Variants in IL1RAPL1 observed in about 807,000 individuals in gnomAD.
IL1RAPL1 encodes interleukin-1 receptor accessory protein-like 1.
A neutral mutation model predicts 48.4 loss-of-function variants in IL1RAPL1; 3 were observed. That is an observed-to-expected ratio of 0.06 (90% CI 0.03 to 0.16). The LOEUF is 0.16. Among genes scored for constraint, IL1RAPL1 ranks in the 10% least tolerant of loss-of-function variants. IL1RAPL1 has a pLI of 1.00. For synonymous variants in IL1RAPL1, 185 were observed against 187.7 expected, an observed-to-expected ratio of 0.99 and a Z score of 0.12; for missense variants, 349 against 530.6, an observed-to-expected ratio of 0.66 and a Z score of 3.36.
chrX:29,002,972 TACTG>T (rs776368155), intron 2 of IL1RAPL1, among the ~76,000 whole-genome samples: 3 of 110,012 alleles, frequency 2.7e-5, no homozygotes, highest in Non-Finnish European at 3.8e-5. Context: ...TTAATTGGAA[TACTG>T]ACTGAGTGCA....
At chrX:29,155,462 G>A (rs1328093321) in intron 2 of IL1RAPL1, among the ~76,000 whole-genome samples, 2 of 111,925 alleles carry the variant, frequency 1.8e-5, no homozygotes, top group Non-Finnish European at 3.8e-5. Context: ...TCTAGGACTG[G>A]CTAAAAGCCC....
At chrX:28,719,001 A>G (rs1340078891) in intron 1 of IL1RAPL1, among the ~76,000 whole-genome samples, 3 of 111,546 alleles carry the variant, frequency 2.7e-5, no homozygotes, top group Non-Finnish European at 5.7e-5. Flanking sequence ...AAATAGTCAT[A>G]TGTGTTTCAT....
chrX:29,548,496 A>G (rs1602290803), intron 5 of IL1RAPL1, among the ~76,000 whole-genome samples: 2 of 112,456 alleles, frequency 1.8e-5, no homozygotes, highest in African/African-American at 6.4e-5. Context: ...TTTTCGGTTT[A>G]TGCATTATGA....
At chrX:29,096,048 A>G (rs769957313) in intron 2 of IL1RAPL1, among the ~76,000 whole-genome samples, 1 of 111,675 alleles carries the variant, frequency 9.0e-6, no homozygotes, top group Non-Finnish European at 1.9e-5. Context: ...AACACTCTGA[A>G]TTTTTAATTA....
intron 2 of IL1RAPL1, among the ~76,000 whole-genome samples, chrX:29,074,051 A>C (rs899012649): frequency 8.9e-6 from 1 of 111,845 alleles, no homozygotes; most frequent in Non-Finnish European, 1.9e-5. Flanking sequence ...GGGGCAATTT[A>C]TTGATTACTA....
chrX:29,468,838 A>G (rs1460493461), intron 5 of IL1RAPL1, among the ~76,000 whole-genome samples: 1 of 111,754 alleles, frequency 8.9e-6, no homozygotes, highest in Non-Finnish European at 1.9e-5. Flanking sequence ...TCCCAATGAG[A>G]ACTGCTCAGT....
At chrX:29,920,790 G>C (rs1932839129) in intron 8 of IL1RAPL1, among the ~76,000 whole-genome samples, 1 of 54,500 alleles carries the variant, frequency 1.8e-5, no homozygotes, top group Admixed American at 3.1e-4. Context: ...GTGAGACCCT[G>C]TCTCAAAAAA....
chrX:29,731,000 A>C (rs1443271891), intron 6 of IL1RAPL1, among the ~76,000 whole-genome samples: 1 of 112,280 alleles, frequency 8.9e-6, no homozygotes, highest in Admixed American at 9.5e-5. Flanking sequence ...TGTGATTTAT[A>C]CTTATGTCAC....
At chrX:29,803,840 T>A (rs1483303979) in intron 6 of IL1RAPL1, among the ~76,000 whole-genome samples, 1 of 110,212 alleles carries the variant, frequency 9.1e-6, no homozygotes. Flanking sequence ...TTACTTTAAA[T>A]GTCAGGGTCT....
intron 1 of IL1RAPL1, among the ~76,000 whole-genome samples, chrX:28,728,202 A>G (rs1022545172): frequency 2.7e-5 from 3 of 112,191 alleles, no homozygotes; most frequent in African/African-American, 9.7e-5. Context: ...TTATTGTTGA[A>G]TACTATACTA....
chrX:28,987,329 A>G (rs771566363), intron 2 of IL1RAPL1, among the ~76,000 whole-genome samples: 1 of 112,330 alleles, frequency 8.9e-6, no homozygotes, highest in Non-Finnish European at 1.9e-5. Flanking sequence ...ATTTTGGCAC[A>G]TTTCTGCTGA....
intron 2 of IL1RAPL1, among the ~76,000 whole-genome samples, chrX:29,104,794 A>G (rs184237444): frequency 8.1e-5 from 9 of 111,438 alleles, no homozygotes; most frequent in Admixed American, 6.7e-4. Context: ...ATCTAAAGGC[A>G]GGCATATGAG....
chrX:29,211,932 A>G (rs1930776418), intron 2 of IL1RAPL1, among the ~76,000 whole-genome samples: 1 of 110,583 alleles, frequency 9.0e-6, no homozygotes, highest in South Asian at 3.9e-4. Flanking sequence ...AGTCTCAGAA[A>G]ATCACCTTAT....
chrX:29,568,024 G>A (rs1922463899), intron 5 of IL1RAPL1, among the ~76,000 whole-genome samples: 1 of 109,529 alleles, frequency 9.1e-6, no homozygotes, highest in Admixed American at 9.7e-5. Context: ...ATTACTAAAG[G>A]AAATATATTA....
chrX:29,324,429 A>C (rs1932830472), intron 3 of IL1RAPL1, among the ~76,000 whole-genome samples: 1 of 111,380 alleles, frequency 9.0e-6, no homozygotes, highest in Admixed American at 9.6e-5. Flanking sequence ...ATGATCTAAT[A>C]CTAATAGACT....
intron 2 of IL1RAPL1, among the ~76,000 whole-genome samples, chrX:29,155,093 C>T (rs1051492038): frequency 9.1e-5 from 10 of 109,326 alleles, no homozygotes; most frequent in African/African-American, 2.0e-4. Flanking sequence ...CTGCAACCTC[C>T]GCCTCCTGGG....
At chrX:28,952,372 A>G (rs2147356130) in intron 2 of IL1RAPL1, among the ~76,000 whole-genome samples, 1 of 111,450 alleles carries the variant, frequency 9.0e-6, no homozygotes, top group African/African-American at 3.2e-5. Context: ...TTATATGTAC[A>G]CACAAAAAGA....
intron 6 of IL1RAPL1, among the ~76,000 whole-genome samples, chrX:29,839,988 G>A (rs1437385292): frequency 1.8e-5 from 2 of 111,880 alleles, no homozygotes; most frequent in African/African-American, 6.5e-5. Flanking sequence ...CATTGATTTA[G>A]CTATTTTTAA....
At chrX:29,031,596 G>A (rs893498654) in intron 2 of IL1RAPL1, among the ~76,000 whole-genome samples, 1 of 111,996 alleles carries the variant, frequency 8.9e-6, no homozygotes. Context: ...TGCATCAAAA[G>A]TACAGAGCTC....
Sources: allele counts gnomAD v4.1 joint callset (sites outside exome capture counted in the v4.1 genomes callset), GRCh38; gene constraint gnomAD v4.1.1; transcripts MANE v1.5; gene names NCBI Gene and HGNC (gene_info 2026-07-23, HGNC 2026-07-21).